The following LIFR variants were observed in gnomAD, a reference collection of about 807,000 sequenced individuals.
The protein encoded by LIFR is leukemia inhibitory factor receptor.
In LIFR, 84 loss-of-function variants were observed where a neutral mutation model predicts 122.2. The observed-to-expected ratio is 0.69, with a 90% CI of 0.58 to 0.82. The LOEUF (loss-of-function observed/expected upper bound fraction) is 0.82. LIFR is among the 40% of genes least tolerant of loss of function. LIFR has a pLI of 0.00. For synonymous variants in LIFR, 422 were observed against 434.7 expected (o/e 0.97, Z 0.36); for missense variants, 1,294 against 1,311.6 (o/e 0.99, Z 0.21).
rs141464526 is a variant in LIFR, at chr5:38,566,695, C to T, written c.-20+28566G>A. On this transcript the variant is annotated intron_variant, in intron 1 of 19. Coordinates refer to the LIFR transcript ENST00000263409. ...TGTAATAATATAATATATGGGAGGA[C>T]GCTTCCCAACAGTCATCCCTTTTCC... 1.5e-3 allele frequency among the ~76,000 whole-genome samples: 230 copies of T among 152,150 alleles called. 1 individual carries two copies. Among genetic ancestry groups the T allele is most frequent in the Non-Finnish European group, 2.5e-4 (17 of 68,012 alleles).
intron 1 of LIFR, among the ~76,000 whole-genome samples, chr5:38,568,271 A>AT (rs1749093656): frequency 6.6e-6 from 1 of 152,216 alleles, no homozygotes; most frequent in Admixed American, 6.5e-5. Context: ...AGGGGTTTCT[A>AT]TGCTAAATGG....
chr5:38,572,281 A>G (rs1303734076), intron 1 of LIFR, among the ~76,000 whole-genome samples: 1 of 152,070 alleles, frequency 6.6e-6, no homozygotes, highest in East Asian at 1.9e-4. Flanking sequence ...GGTGTCTTAC[A>G]TGGCAGGAGC....
Position 38,523,425 on chromosome 5 carries a change from T to G in LIFR, c.555A>C (p.Val185=). 1 of 1,608,498 alleles carries G rather than the reference T, an allele frequency of 6.2e-7. No individual in the cohort carries two copies. Among genetic ancestry groups the G allele is most frequent in the Non-Finnish European group, 8.5e-7 (1 of 1,178,118 alleles). ...AATCTATGTTCAAACTTACTAATTTTACGAGCTCCATACTCTCTTTACGTA... is the reference window on the plus strand; with the variant it reads ...AATCTATGTTCAAACTTACTAATTTGACGAGCTCCATACTCTCTTTACGTA... ...KVLRKESMEL[V]KLVTHNTTLN... is the part of the protein sequence containing the mutation. Residue 185 remains valine (V), a synonymous_variant, in exon 5 of 20, where the codon GTA becomes GTC. Coordinates refer to ENST00000453190, the MANE Select transcript of LIFR (RefSeq NM_001127671.2).
intron 7 of LIFR, among the ~76,000 whole-genome samples, chr5:38,508,849 G>A (rs554342796): frequency 4.4e-4 from 67 of 152,200 alleles, no homozygotes; most frequent in African/African-American, 1.5e-3. Context: ...CTCCCAAAGC[G>A]CTGGGATTAC....
At chr5:38,516,397 G>C (rs142087318) in intron 5 of LIFR, among the ~76,000 whole-genome samples, 1 of 152,026 alleles carries the variant, frequency 6.6e-6, no homozygotes, top group African/African-American at 2.4e-5. Flanking sequence ...TCAAAAAAGC[G>C]GGCAAACGAT....
chr5:38,483,650 C>T lies in LIFR; in HGVS notation c.2592-983G>A, dbSNP rs189929797. Among the ~76,000 whole-genome samples, 35 of 152,198 alleles carry T rather than the reference C, an allele frequency of 2.3e-4. 1 individual carries two copies. The highest frequency in any genetic ancestry group is 1.6e-3 in the Admixed American group (25 of 15,284). On this transcript the variant is annotated intron_variant, in intron 18 of 19. Coordinates refer to ENST00000453190, the MANE Select transcript of LIFR (RefSeq NM_001127671.2). ...TTCACCATGTTGGCCAGGATGGTCT[C>T]GATCTCCTGACCTTGTGATCTGCCT...
intron 13 of LIFR, among the ~76,000 whole-genome samples, chr5:38,495,076 T>G (rs995675555): frequency 1.3e-5 from 2 of 152,168 alleles, no homozygotes; most frequent in Admixed American, 1.3e-4. Flanking sequence ...AAAGCCACAG[T>G]GTAAACCTGA....
At chr5:38,598,621 G>A (rs542614526), upstream of LIFR, among the ~76,000 whole-genome samples, 1 of 151,954 alleles carries the variant, frequency 6.6e-6, no homozygotes, top group Non-Finnish European at 1.5e-5. Context: ...CTGCAGGCCT[G>A]CATCACCCGC....
At chr5:38,519,930 T>C (rs970751735) in intron 5 of LIFR, among the ~76,000 whole-genome samples, 6 of 152,234 alleles carry the variant, frequency 3.9e-5, no homozygotes, top group Non-Finnish European at 8.8e-5. Context: ...ATGATAAACA[T>C]GTGAATTCAG....
chr5:38,555,399 A>T (rs866311540), intron 1 of LIFR, among the ~76,000 whole-genome samples: 1 of 152,166 alleles, frequency 6.6e-6, no homozygotes, highest in Non-Finnish European at 1.5e-5. Flanking sequence ...TTTCTGTACC[A>T]TTTCTGGACC....
chr5:38,588,246 G>T (rs1038930077), intron 1 of LIFR, among the ~76,000 whole-genome samples: 1 of 152,314 alleles, frequency 6.6e-6, no homozygotes, highest in East Asian at 1.9e-4. Context: ...AAAGTTCTAG[G>T]TTGAGAGGCC....
chr5:38,526,525 T>C (rs1746694545), intron 4 of LIFR, among the ~76,000 whole-genome samples: 1 of 152,084 alleles, frequency 6.6e-6, no homozygotes, highest in Admixed American at 6.6e-5. Flanking sequence ...TTTCATACTT[T>C]TATTTAGTAG....
intron 18 of LIFR, 105 bp downstream of exon 18, chr5:38,484,670 A>G: frequency 1.3e-6 from 1 of 759,576 alleles, no homozygotes; most frequent in Admixed American, 2.1e-5. Flanking sequence ...TAACTAACTT[A>G]TTACAACAAA....
At chr5:38,497,624 G>T (rs1478628519) in intron 12 of LIFR, among the ~76,000 whole-genome samples, 1 of 151,230 alleles carries the variant, frequency 6.6e-6, no homozygotes, top group Non-Finnish European at 1.5e-5. Flanking sequence ...TATAGAAGTT[G>T]AAACAAGTAA....
At chr5:38,554,466 C>A (rs1046078959) in intron 1 of LIFR, among the ~76,000 whole-genome samples, 2 of 152,204 alleles carry the variant, frequency 1.3e-5, no homozygotes, top group African/African-American at 4.8e-5. Flanking sequence ...TTATTAGAAA[C>A]AACCTACATA....
At chr5:38,525,651 G>A (rs981172341) in intron 4 of LIFR, among the ~76,000 whole-genome samples, 1 of 152,176 alleles carries the variant, frequency 6.6e-6, no homozygotes, top group African/African-American at 2.4e-5. Context: ...AAGGACAGTG[G>A]AGGATGCTTT....
chr5:38,602,878 A>G (rs192643707), intron 2 of LIFR, among the ~76,000 whole-genome samples: 401 of 152,314 alleles, frequency 2.6e-3, no homozygotes, highest in African/African-American at 9.1e-3. Flanking sequence ...AATTGCATGC[A>G]GACACCTGGG....
chr5:38,594,649 A>T (rs1371242245), intron 1 of LIFR, among the ~76,000 whole-genome samples: 2 of 152,192 alleles, frequency 1.3e-5, no homozygotes, highest in Non-Finnish European at 2.9e-5. Flanking sequence ...AATGAAAAAT[A>T]AAAAGGGAAG....
At chr5:38,505,843 T>C in intron 9 of LIFR, 62 bp downstream of exon 9, 2 of 1,121,592 alleles carry the variant, frequency 1.8e-6, no homozygotes, top group Non-Finnish European at 2.6e-6. Flanking sequence ...TAAGCATTTT[T>C]CATTAAAGCA....
Sources: gnomAD v4.1 joint callset for allele counts (sites outside exome capture counted in the v4.1 genomes callset) on GRCh38, gnomAD v4.1.1 for gene constraint, MANE v1.5 for transcripts, NCBI Gene and HGNC (gene_info 2026-07-23, HGNC 2026-07-21) for gene names.